The following LRRC4C variants were observed in gnomAD, a reference collection of about 807,000 sequenced individuals.
LRRC4C encodes the protein leucine-rich repeat-containing protein 4C.
In LRRC4C, 5 loss-of-function variants were observed where a neutral mutation model predicts 33.6. The ratio of observed to expected loss-of-function variants is 0.15; its 90% CI spans 0.08 to 0.31. The LOEUF (loss-of-function observed/expected upper bound fraction) is 0.31. Ranked by LOEUF, LRRC4C falls within the 10% of genes least tolerant of loss-of-function variation. LRRC4C has a pLI of 1.00. For missense variants in LRRC4C, 560 were observed against 796.7 expected (o/e 0.70, Z 3.58); for synonymous variants, 329 against 302.0 (o/e 1.09, Z -0.93).
At chr11:40,560,290 C>G (rs1389946208) in intron 3 of LRRC4C, among the ~76,000 whole-genome samples, 2 of 152,072 alleles carry the variant, frequency 1.3e-5, no homozygotes, top group Non-Finnish European at 2.9e-5. Context: ...ATGTACACAG[C>G]ACCAGGCATT....
In LRRC4C at chr11:41,029,164, T is replaced by C. The variant is rs191005665; in HGVS notation, c.-495-95441A>G. Among the ~76,000 whole-genome samples, 575 of 151,824 alleles carry C rather than the reference T, an allele frequency of 3.8e-3. 1 individual carries two copies. Among genetic ancestry groups the C allele is most frequent in the Middle Eastern group, 0.01 (3 of 294 alleles). On this transcript the variant is annotated intron_variant, in intron 1 of 6. Transcript: ENST00000528697. ...CCCAAACTAGTCGACTACATTACGA[T>C]TGAATAGATGTGCTGACAAAGCAGC...
chr11:40,969,779 G>T (rs1362808535), intron 1 of LRRC4C, among the ~76,000 whole-genome samples: 1 of 152,114 alleles, frequency 6.6e-6, no homozygotes, highest in Non-Finnish European at 1.5e-5. Flanking sequence ...TAAAAATTTT[G>T]TGACTCCCAT....
chr11:40,862,739 T>G (rs1954163904), intron 2 of LRRC4C, among the ~76,000 whole-genome samples: 1 of 152,194 alleles, frequency 6.6e-6, no homozygotes, highest in African/African-American at 2.4e-5. Flanking sequence ...TTCTGTCACC[T>G]AGACCCACAA....
chr11:40,639,943 A>C, intron 3 of LRRC4C, among the ~76,000 whole-genome samples: 1 of 136,620 alleles, frequency 7.3e-6, no homozygotes, highest in East Asian at 2.0e-4. Context: ...TTTTTTTTTC[A>C]AAAGGTTCTT....
rs5791412 is a variant in LRRC4C, at chr11:41,001,863, ATTT to A, written c.-495-68143_-495-68141del. 5.8e-3 allele frequency among the ~76,000 whole-genome samples: 844 copies of A among 145,808 alleles called. 3 individuals carry two copies. Among genetic ancestry groups the A allele is most frequent in the African/African-American group, 0.015 (589 of 39,624 alleles). On this transcript the variant is annotated intron_variant, in intron 1 of 6. Transcript: ENST00000528697. Reference sequence around the variant, plus strand: ...CAGCTTTCTTCTGATGGTCTGTGACATTTTTTTTTTTTTTTGTACCATCCAGGA... The same window carrying A: ...CAGCTTTCTTCTGATGGTCTGTGACATTTTTTTTTTTTGTACCATCCAGGA...
rs140440473 is a variant in LRRC4C, at chr11:40,830,889, G to A, written c.-407+102746C>T. Among the ~76,000 whole-genome samples, 304 of 152,202 alleles carry A rather than the reference G, an allele frequency of 2.0e-3. 2 individuals carry two copies. Among genetic ancestry groups the A allele is most frequent in the African/African-American group, 6.9e-3 (285 of 41,536 alleles). ...AGGGTGGAGGAAATTATCATGGTTC[G>A]TGTTAACTTATTAGCTGCAGTAAAG... is the stretch of plus-strand genomic sequence containing the variant. On this transcript the variant is annotated intron_variant, in intron 2 of 6. Transcript: ENST00000528697.
At position 40,371,820 on chromosome 11, in the gene LRRC4C, T is replaced by C. The variant is rs1948462342; in HGVS notation, c.-269-52099A>G. ...GGTCAGAACAAAGATGCATTGTAGA[T>C]TGAGGCTCCCAACTGGACAACACGA... On this transcript the variant is annotated intron_variant, in intron 3 of 6. Transcript: ENST00000528697. Among the ~76,000 whole-genome samples the C allele has an allele frequency of 3.3e-5, 5 of 152,180 alleles. 1 individual carries two copies. The South Asian group carries it at 1.0e-3, about 31-fold the overall frequency.
At chr11:40,935,099 G>A (rs967211179) in intron 1 of LRRC4C, among the ~76,000 whole-genome samples, 10 of 152,084 alleles carry the variant, frequency 6.6e-5, no homozygotes, top group African/African-American at 2.4e-4. Flanking sequence ...CATTAAGCAA[G>A]AAAACCCCAT....
chr11:40,209,834 A>G (rs1863449662), intron 5 of LRRC4C, among the ~76,000 whole-genome samples: 2 of 152,218 alleles, frequency 1.3e-5, no homozygotes, highest in Admixed American at 6.5e-5. Flanking sequence ...ATAACAATAT[A>G]CTAGGATGCC....
intron 3 of LRRC4C, among the ~76,000 whole-genome samples, chr11:40,426,013 T>C (rs765027912): frequency 7.1e-5 from 3 of 42,544 alleles, no homozygotes; most frequent in Non-Finnish European, 1.3e-4. Context: ...GTCAGTTGCA[T>C]TTTTTTTTTT....
chr11:40,457,317 T>C (rs1321111784), intron 3 of LRRC4C, among the ~76,000 whole-genome samples: 3 of 152,032 alleles, frequency 2.0e-5, no homozygotes, highest in Non-Finnish European at 4.4e-5. Flanking sequence ...TTCATACCCA[T>C]TGTATAAATA....
At chr11:40,929,826 T>G (rs1431065265) in intron 2 of LRRC4C, among the ~76,000 whole-genome samples, 2 of 152,144 alleles carry the variant, frequency 1.3e-5, no homozygotes, top group South Asian at 4.1e-4. Flanking sequence ...TAATGCAATA[T>G]TTTTTCTTAT....
intron 3 of LRRC4C, among the ~76,000 whole-genome samples, chr11:40,375,575 A>ACATGAAAGGACACCTTTT (rs1233015899): frequency 2.6e-5 from 4 of 152,194 alleles, no homozygotes; most frequent in Non-Finnish European, 5.9e-5. Context: ...AGCTAGGTGG[A>ACATGAAAGGACACCTTTT]CATGAAAAGG....
chr11:40,467,334 CATT>C (rs1489539980), intron 3 of LRRC4C, among the ~76,000 whole-genome samples: 1 of 151,996 alleles, frequency 6.6e-6, no homozygotes, highest in Non-Finnish European at 1.5e-5. Flanking sequence ...AAAAAATCAT[CATT>C]ATTACTTTGA....
In LRRC4C at chr11:40,542,543, A is replaced by T. The variant is rs528504324; in HGVS notation, c.-270+105599T>A. ...AGATTGTAGGTTCTTCTCTGTTTCC[A>T]ACAGAGATAATAACAACCAGGACCA... On this transcript the variant is annotated intron_variant, in intron 3 of 6. Transcript: ENST00000528697. Among the ~76,000 whole-genome samples the T allele has an allele frequency of 2.0e-4, 31 of 152,242 alleles. No homozygotes were observed. The East Asian group carries it at 5.6e-3, about 28-fold the overall frequency.
intron 3 of LRRC4C, among the ~76,000 whole-genome samples, chr11:40,529,144 A>G (rs1390541594): frequency 3.3e-5 from 5 of 152,144 alleles, no homozygotes; most frequent in Non-Finnish European, 7.4e-5. Flanking sequence ...GAAATTTATT[A>G]TGAGGGTAGA....
intron 1 of LRRC4C, among the ~76,000 whole-genome samples, chr11:41,083,942 A>G (rs2060812287): frequency 6.6e-6 from 1 of 152,234 alleles, no homozygotes; most frequent in South Asian, 2.1e-4. Context: ...TGATATTTGC[A>G]AGATTGTAAA....
chr11:41,178,410 A>G (rs532301486), intron 1 of LRRC4C, among the ~76,000 whole-genome samples: 1 of 152,222 alleles, frequency 6.6e-6, no homozygotes, highest in Non-Finnish European at 1.5e-5. Flanking sequence ...GGATGGCGTG[A>G]TCATGTAATC....
chr11:41,199,272 C>T (rs1182499968), intron 1 of LRRC4C, among the ~76,000 whole-genome samples: 1 of 152,104 alleles, frequency 6.6e-6, no homozygotes, highest in Non-Finnish European at 1.5e-5. Context: ...TTTCAACATT[C>T]TCAGCTTTTG....
Sources: allele counts gnomAD v4.1 joint callset (sites outside exome capture counted in the v4.1 genomes callset), GRCh38; gene constraint gnomAD v4.1.1; transcripts MANE v1.5; gene names NCBI Gene and HGNC (gene_info 2026-07-23, HGNC 2026-07-21).